ERC2: variants seen among roughly 807,000 people sequenced by gnomAD.
ERC2 encodes ELKS/RAB6-interacting/CAST family member 2, also known as ERC protein 2.
Under a neutral mutation model 114.8 loss-of-function variants are expected in ERC2, and 42 were observed. That is an observed-to-expected ratio of 0.37 (90% CI 0.29 to 0.47). The LOEUF (loss-of-function observed/expected upper bound fraction) is 0.47. Among genes scored for constraint, ERC2 ranks in the 20% least tolerant of loss-of-function variants. The pLI is 0.99. For missense variants in ERC2, 939 were observed against 1,150.7 expected (o/e 0.82, Z 2.66); for synonymous variants, 454 against 425.5 (o/e 1.07, Z -0.82).
intron 3 of ERC2, among the ~76,000 whole-genome samples, chr3:56,279,467 G>C (rs2054209050): frequency 6.6e-6 from 1 of 152,228 alleles, no homozygotes; most frequent in Admixed American, 6.5e-5. Context: ...GGTTAGTCAA[G>C]TGAGGATGGA....
chr3:55,920,522 C>T (rs1333387581), intron 13 of ERC2, among the ~76,000 whole-genome samples: 2 of 151,918 alleles, frequency 1.3e-5, no homozygotes, highest in East Asian at 3.9e-4. Context: ...CTGAAAAGGA[C>T]ATCATCTCTC....
intron 14 of ERC2, among the ~76,000 whole-genome samples, chr3:55,825,177 G>C (rs945004614): frequency 6.6e-5 from 10 of 152,124 alleles, no homozygotes; most frequent in Non-Finnish European, 1.5e-4. Context: ...CTGTGAGCAG[G>C]GTTGCTTAGT....
At chr3:56,050,717 C>A (rs2075724077) in intron 7 of ERC2, among the ~76,000 whole-genome samples, 1 of 152,182 alleles carries the variant, frequency 6.6e-6, no homozygotes, top group Non-Finnish European at 1.5e-5. Context: ...CCTGCAACTG[C>A]AGTCAGGTTA....
At chr3:55,613,517 G>A (rs930647647) in intron 17 of ERC2, among the ~76,000 whole-genome samples, 1 of 152,178 alleles carries the variant, frequency 6.6e-6, no homozygotes, top group Non-Finnish European at 1.5e-5. Flanking sequence ...TTTTAGGTGG[G>A]AGAGGTTTCA....
At chr3:56,107,611 G>A (rs9861486) in intron 6 of ERC2, among the ~76,000 whole-genome samples, 26,139 of 151,978 alleles carry the variant, frequency 0.17, 2,459 homozygotes, top group African/African-American at 0.23. Context: ...TAAAGCACTC[G>A]GAAACTATTC....
At chr3:55,594,280 T>C (rs760604312) in intron 17 of ERC2, among the ~76,000 whole-genome samples, 6 of 152,190 alleles carry the variant, frequency 3.9e-5, no homozygotes, top group Admixed American at 1.3e-4. Context: ...TGGAGATAGA[T>C]GGCAACAGGA....
chr3:56,073,755 T>C (rs550949440), intron 7 of ERC2, among the ~76,000 whole-genome samples: 2 of 152,264 alleles, frequency 1.3e-5, no homozygotes, highest in South Asian at 4.1e-4. Context: ...ATGTCTCAAA[T>C]CATCTTTTGA....
chr3:55,706,505 C>G (rs815430), intron 15 of ERC2, among the ~76,000 whole-genome samples: 1 of 151,994 alleles, frequency 6.6e-6, no homozygotes, highest in Non-Finnish European at 1.5e-5. Flanking sequence ...CAAGTGATTA[C>G]CCCACCTCAG....
At chr3:56,015,741 T>C (rs1367040078) in intron 8 of ERC2, among the ~76,000 whole-genome samples, 1 of 152,214 alleles carries the variant, frequency 6.6e-6, no homozygotes, top group Non-Finnish European at 1.5e-5. Flanking sequence ...GATTGCTGGG[T>C]CAAATGGTAT....
chr3:56,112,422 A>AAGAC (rs1401543628), intron 6 of ERC2, among the ~76,000 whole-genome samples: 9 of 108,896 alleles, frequency 8.3e-5, no homozygotes, highest in South Asian at 3.7e-4. Context: ...TGAGTGAGAA[A>AAGAC]AGACAGACAG....
At chr3:56,152,109 C>G (rs1223836833) in intron 4 of ERC2, among the ~76,000 whole-genome samples, 1 of 152,092 alleles carries the variant, frequency 6.6e-6, no homozygotes, top group Non-Finnish European at 1.5e-5. Flanking sequence ...AGTAGCTTTT[C>G]CCAAAGTTCA....
At chr3:56,007,933 A>G (rs1231580154) in intron 9 of ERC2, among the ~76,000 whole-genome samples, 1 of 152,146 alleles carries the variant, frequency 6.6e-6, no homozygotes, top group Non-Finnish European at 1.5e-5. Context: ...ACTCAGACAT[A>G]GGGTTACCTA....
chr3:55,748,740 C>T (rs982126423), intron 14 of ERC2, among the ~76,000 whole-genome samples: 74 of 152,228 alleles, frequency 4.9e-4, no homozygotes, highest in African/African-American at 1.3e-3. Context: ...CTCTTCATCC[C>T]GAATGCCTAG....
chr3:55,704,705 A>G (rs567094268), intron 15 of ERC2, among the ~76,000 whole-genome samples: 1 of 152,362 alleles, frequency 6.6e-6, no homozygotes, highest in African/African-American at 2.4e-5. Flanking sequence ...TCACAGTTGG[A>G]GGACAAAATG....
intron 3 of ERC2, among the ~76,000 whole-genome samples, chr3:56,292,477 C>G (rs1209536182): frequency 6.6e-6 from 1 of 150,952 alleles, no homozygotes; most frequent in Non-Finnish European, 1.5e-5. Flanking sequence ...GTAGTCCCAA[C>G]TATTCAGGAG....
At chr3:55,703,101 G>C (rs1034407269) in intron 15 of ERC2, among the ~76,000 whole-genome samples, 11 of 151,818 alleles carry the variant, frequency 7.2e-5, no homozygotes, top group African/African-American at 2.4e-4. Context: ...TATTTCTCTG[G>C]GGCCATCGCC....
intron 3 of ERC2, among the ~76,000 whole-genome samples, chr3:56,257,242 A>T (rs1444584165): frequency 6.6e-6 from 1 of 152,210 alleles, no homozygotes; most frequent in Admixed American, 6.5e-5. Flanking sequence ...TTCAACAATA[A>T]ATCCCATCCT....
chr3:55,692,256 G>A (rs951722488), intron 16 of ERC2, among the ~76,000 whole-genome samples: 6 of 152,110 alleles, frequency 3.9e-5, no homozygotes, highest in Non-Finnish European at 7.4e-5. Context: ...GGGATCCCAC[G>A]GCCTCAAGCT....
At chr3:55,704,592 G>A in intron 15 of ERC2, among the ~76,000 whole-genome samples, 1 of 152,168 alleles carries the variant, frequency 6.6e-6, no homozygotes, top group East Asian at 1.9e-4. Context: ...GAGCAAACCA[G>A]ACAAGAATGG....
Sources: allele counts gnomAD v4.1 joint callset (sites outside exome capture counted in the v4.1 genomes callset), GRCh38; gene constraint gnomAD v4.1.1; transcripts MANE v1.5; gene names NCBI Gene and HGNC (gene_info 2026-07-23, HGNC 2026-07-21).